Variants in CDH13 observed in about 807,000 individuals in gnomAD.
The protein encoded by CDH13 is cadherin-13.
A neutral mutation model predicts 63.8 loss-of-function variants in CDH13; 24 were observed. That is an observed-to-expected ratio of 0.38 (90% CI 0.27 to 0.53). The LOEUF is 0.53. Among genes scored for constraint, CDH13 ranks in the 20% least tolerant of loss-of-function variants. The probability of loss-of-function intolerance (pLI) is 0.85; values close to 1 mark genes in which losing one functional copy is unlikely to be tolerated. For synonymous variants in CDH13, 503 were observed against 355.3 expected, an observed-to-expected ratio of 1.42 and a Z score of -4.67; for missense variants, 1,049 against 903.1, an observed-to-expected ratio of 1.16 and a Z score of -2.07.
chr16:83,620,374 A>G lies in CDH13; in HGVS notation c.1101+17780A>G, dbSNP rs1409037336. 3.0e-5 allele frequency among the ~76,000 whole-genome samples: 4 copies of G among 132,348 alleles called. No homozygotes were observed. In the East Asian group the frequency reaches 9.4e-4, roughly 31 times the overall value. 86.8% of individuals were successfully genotyped at this position (132,348 alleles called of 152,430 possible). On this transcript the variant is annotated intron_variant, in intron 8 of 13. Transcript: ENST00000567109. ...CCACTGCACTACAACCTGTCGACAG[A>G]GCGAGACTCCGTCTCAAAAAAAAAA...
intron 1 of CDH13, among the ~76,000 whole-genome samples, chr16:82,835,680 TC>T (rs1173990980): frequency 6.6e-6 from 1 of 152,170 alleles, no homozygotes; most frequent in Admixed American, 6.5e-5. Flanking sequence ...ATCAGCGGCC[TC>T]CCTGCTCCTG....
At chr16:82,861,132 A>C (rs1040286565) in intron 2 of CDH13, among the ~76,000 whole-genome samples, 5 of 152,240 alleles carry the variant, frequency 3.3e-5, no homozygotes, top group African/African-American at 4.8e-5. Context: ...CCATTTCCTG[A>C]ATCATTGTAT....
intron 6 of CDH13, among the ~76,000 whole-genome samples, chr16:83,436,336 T>C (rs1598016214): frequency 6.6e-6 from 1 of 152,142 alleles, no homozygotes; most frequent in Admixed American, 6.6e-5. Flanking sequence ...CTGAAGGAGT[T>C]GTCTTTTTTA....
At chr16:83,378,405 T>C (rs1433721549) in intron 6 of CDH13, among the ~76,000 whole-genome samples, 1 of 152,190 alleles carries the variant, frequency 6.6e-6, no homozygotes, top group African/African-American at 2.4e-5. Context: ...CATGAGTTTT[T>C]AACAGTATCA....
intron 4 of CDH13, among the ~76,000 whole-genome samples, chr16:83,152,672 G>A (rs1200398370): frequency 6.6e-6 from 1 of 152,172 alleles, no homozygotes; most frequent in Non-Finnish European, 1.5e-5. Context: ...GCAAAAGCAG[G>A]ACTGTTTTGG....
At chr16:82,981,106 C>A (rs1462779527) in intron 2 of CDH13, among the ~76,000 whole-genome samples, 1 of 152,116 alleles carries the variant, frequency 6.6e-6, no homozygotes, top group Admixed American at 6.5e-5. Context: ...AAAAGGACTC[C>A]ATTTCTATGG....
intron 2 of CDH13, among the ~76,000 whole-genome samples, chr16:82,935,062 A>G (rs1567675137): frequency 6.6e-6 from 1 of 152,138 alleles, no homozygotes; most frequent in Non-Finnish European, 1.5e-5. Flanking sequence ...CTATTCTCAC[A>G]CTGCTACAAA....
chr16:83,160,356 C>A (rs190120394), intron 4 of CDH13, among the ~76,000 whole-genome samples: 7 of 152,070 alleles, frequency 4.6e-5, no homozygotes, highest in Admixed American at 1.3e-4. Flanking sequence ...CTTAAAAAAA[C>A]CGTAAAAAAA....
chr16:83,680,969 G>T (rs1204509458), intron 10 of CDH13, among the ~76,000 whole-genome samples: 1 of 151,980 alleles, frequency 6.6e-6, no homozygotes, highest in Non-Finnish European at 1.5e-5. Flanking sequence ...GAGGGAAGAG[G>T]GAAGAGGCAC....
At chr16:83,197,449 GT>G (rs2038907005) in intron 4 of CDH13, among the ~76,000 whole-genome samples, 1 of 151,940 alleles carries the variant, frequency 6.6e-6, no homozygotes, top group South Asian at 2.1e-4. Context: ...ATTGACTATG[GT>G]CACCTGTTCA....
At chr16:83,014,505 G>C (rs1455840845) in intron 2 of CDH13, among the ~76,000 whole-genome samples, 1 of 151,134 alleles carries the variant, frequency 6.6e-6, no homozygotes, top group South Asian at 2.1e-4. Context: ...AGGCCAAGAC[G>C]GATAGATCAC....
chr16:82,969,719 CT>C (rs2151364328), intron 2 of CDH13, among the ~76,000 whole-genome samples: 1 of 152,200 alleles, frequency 6.6e-6, no homozygotes, highest in African/African-American at 2.4e-5. Context: ...AAAATTACCC[CT>C]GGTTGAGGAG....
intron 5 of CDH13, among the ~76,000 whole-genome samples, chr16:83,291,612 G>C (rs148088968): frequency 8.0e-4 from 122 of 152,028 alleles, no homozygotes; most frequent in African/African-American, 2.8e-3. Context: ...TTTCCACAGA[G>C]ACCAAGATAG....
chr16:82,720,447 C>T (rs1225190841), intron 1 of CDH13, among the ~76,000 whole-genome samples: 1 of 152,174 alleles, frequency 6.6e-6, no homozygotes, highest in Non-Finnish European at 1.5e-5. Flanking sequence ...GCCAAAGCCT[C>T]TGCTAGCACA....
At chr16:82,789,611 G>A (rs8054286) in intron 1 of CDH13, among the ~76,000 whole-genome samples, 12,439 of 152,202 alleles carry the variant, frequency 0.082, 624 homozygotes, top group East Asian at 0.23. Context: ...AGGTCCATTG[G>A]GCAGGACACA....
chr16:83,361,809 T>C (rs941801945), intron 6 of CDH13, among the ~76,000 whole-genome samples: 2 of 152,192 alleles, frequency 1.3e-5, no homozygotes, highest in Admixed American at 1.3e-4. Context: ...TACCGTACCA[T>C]GCTGTTTTAG....
intron 10 of CDH13, among the ~76,000 whole-genome samples, chr16:83,719,155 G>A (rs1598574468): frequency 6.6e-6 from 1 of 152,170 alleles, no homozygotes; most frequent in African/African-American, 2.4e-5. Flanking sequence ...TTATTGCAGA[G>A]AGTCCAGTAG....
intron 5 of CDH13, among the ~76,000 whole-genome samples, chr16:83,321,673 C>A (rs893563369): frequency 1.3e-5 from 2 of 151,840 alleles, no homozygotes; most frequent in Non-Finnish European, 2.9e-5. Flanking sequence ...GGACTACAGG[C>A]GCCTGCCACC....
intron 4 of CDH13, among the ~76,000 whole-genome samples, chr16:83,126,954 G>T (rs969397680): frequency 1.3e-5 from 2 of 152,160 alleles, no homozygotes; most frequent in African/African-American, 4.8e-5. Flanking sequence ...AGAGCAAATG[G>T]CAGGATGAAG....
Sources: allele counts gnomAD v4.1 joint callset (sites outside exome capture counted in the v4.1 genomes callset), GRCh38; gene constraint gnomAD v4.1.1; transcripts MANE v1.5; gene names NCBI Gene and HGNC (gene_info 2026-07-23, HGNC 2026-07-21).